The following NXN variants were observed in gnomAD, a reference collection of about 807,000 sequenced individuals.
NXN encodes nucleoredoxin 1.
A neutral mutation model predicts 48.6 loss-of-function variants in NXN; 16 were observed. The observed-to-expected ratio is 0.33, with a 90% CI of 0.22 to 0.50. The LOEUF is 0.50. Among genes scored for constraint, NXN ranks in the 20% least tolerant of loss-of-function variants. NXN has a pLI of 0.98. For missense variants in NXN, 492 were observed against 605.5 expected (o/e 0.81, Z 1.97); for synonymous variants, 281 against 269.6 (o/e 1.04, Z -0.41).
chr17:882,535 G>A (rs185783466), intron 1 of NXN, among the ~76,000 whole-genome samples: 50 of 152,078 alleles, frequency 3.3e-4, no homozygotes, highest in African/African-American at 1.1e-3. Context: ...GCGCAATCTC[G>A]GCTCACTGCA....
chr17:935,628 A>C (rs1477281932), intron 1 of NXN, among the ~76,000 whole-genome samples: 1 of 152,188 alleles, frequency 6.6e-6, no homozygotes. Flanking sequence ...ACTGTGTCTA[A>C]GACCCTGAGC....
At chr17:859,360 C>T (rs774194366) in intron 1 of NXN, among the ~76,000 whole-genome samples, 6 of 152,098 alleles carry the variant, frequency 3.9e-5, no homozygotes, top group Admixed American at 6.6e-5. Flanking sequence ...ACTGAGGTCA[C>T]GGGGAGTTTA....
intron 1 of NXN, among the ~76,000 whole-genome samples, chr17:928,729 G>C (rs921567261): frequency 2.6e-5 from 4 of 152,086 alleles, no homozygotes; most frequent in Non-Finnish European, 5.9e-5. Context: ...CCAGCTACTC[G>C]GGAGGCTGAG....
chr17:888,809 G>C (rs1375891919), intron 1 of NXN, among the ~76,000 whole-genome samples: 1 of 151,848 alleles, frequency 6.6e-6, no homozygotes, highest in African/African-American at 2.4e-5. Context: ...ACAAAAATTA[G>C]CTGGACATGG....
intron 1 of NXN, among the ~76,000 whole-genome samples, chr17:931,526 CA>C (rs1467484044): frequency 6.6e-6 from 1 of 151,762 alleles, no homozygotes; most frequent in Non-Finnish European, 1.5e-5. Context: ...TCGCCATAAG[CA>C]CATGTTATTT....
chr17:803,871 C>T (rs941938277), intron 6 of NXN, 65 bp from the exon 7 acceptor site: 10 of 1,587,578 alleles, frequency 6.3e-6, no homozygotes, highest in Middle Eastern at 4.3e-4. Context: ...AACAGAGCGG[C>T]ACCCGCCGAG....
At chr17:902,926 C>CTGA (rs1177128697) in intron 1 of NXN, among the ~76,000 whole-genome samples, 1 of 151,682 alleles carries the variant, frequency 6.6e-6, no homozygotes, top group African/African-American at 2.4e-5. Flanking sequence ...TGCACCATCA[C>CTGA]GTCTGGCTAA....
At chr17:953,411 T>C (rs1366571713) in intron 1 of NXN, among the ~76,000 whole-genome samples, 1 of 151,784 alleles carries the variant, frequency 6.6e-6, no homozygotes, top group East Asian at 2.0e-4. Flanking sequence ...CGAGACTCCG[T>C]CTCAAAAAAA....
intron 1 of NXN, among the ~76,000 whole-genome samples, chr17:970,914 C>T (rs1327899172): frequency 6.6e-6 from 1 of 150,400 alleles, no homozygotes; most frequent in Admixed American, 6.6e-5. Flanking sequence ...AATATTAAAG[C>T]ATGGCATGAC....
chr17:949,931 C>T (rs1393391743), intron 1 of NXN, among the ~76,000 whole-genome samples: 1 of 151,972 alleles, frequency 6.6e-6, no homozygotes. Context: ...AGCAGCTTCT[C>T]GGGGGCTAAC....
At chr17:810,876 G>A (rs1239000725) in intron 5 of NXN, among the ~76,000 whole-genome samples, 3 of 151,870 alleles carry the variant, frequency 2.0e-5, no homozygotes, top group African/African-American at 7.3e-5. Flanking sequence ...GCGACAGAGC[G>A]AGACTCTGCC....
intron 1 of NXN, among the ~76,000 whole-genome samples, chr17:936,491 T>C (rs1386611809): frequency 1.3e-5 from 2 of 151,618 alleles, no homozygotes; most frequent in African/African-American, 4.8e-5. Flanking sequence ...CCCAGCTCGA[T>C]GATTCTCTCC....
rs1276618012 is a variant in NXN at position 825,098 on chromosome 17, G to C, written c.478+863C>G. Among the ~76,000 whole-genome samples, 4 of 152,126 alleles carry C rather than the reference G, an allele frequency of 2.6e-5. No individual in the cohort carries two copies. Among genetic ancestry groups the C allele is most frequent in the African/African-American group, 9.7e-5 (4 of 41,440 alleles). ...AATAAAAAATTAGCTGGGTGTGGCGGTGCACGCCAGTAGTCCCAGCTACAC... is the reference window on the plus strand; with the variant it reads ...AATAAAAAATTAGCTGGGTGTGGCGCTGCACGCCAGTAGTCCCAGCTACAC... On this transcript the variant is annotated intron_variant, in intron 2 of 7. Transcript: ENST00000336868. This position sits in a 1 kb window ranked among gnomAD's most constrained non-coding sequence, Gnocchi z 4.1.
chr17:890,610 T>A (rs526835), intron 1 of NXN, among the ~76,000 whole-genome samples: 21 of 151,802 alleles, frequency 1.4e-4, no homozygotes, highest in Middle Eastern at 3.4e-3. Flanking sequence ...CTCGATCTCC[T>A]GACCTCGTGA....
intron 1 of NXN, among the ~76,000 whole-genome samples, chr17:901,181 A>G (rs1383181190): frequency 6.6e-6 from 1 of 152,086 alleles, no homozygotes; most frequent in African/African-American, 2.4e-5. Flanking sequence ...TCGGCCTCCC[A>G]AAGTGATGGG....
At chr17:864,029 G>A (rs761174672) in intron 1 of NXN, 431 of 1,528,742 alleles carry the variant, frequency 2.8e-4, no homozygotes, top group Non-Finnish European at 3.6e-4. Context: ...GCTGGGTTCC[G>A]GTGAAGGGAC....
chr17:933,876 G>C (rs2068878800), intron 1 of NXN, among the ~76,000 whole-genome samples: 1 of 152,084 alleles, frequency 6.6e-6, no homozygotes, highest in African/African-American at 2.4e-5. Flanking sequence ...TTGGACTAAA[G>C]TCGTGGATTC....
intron 1 of NXN, among the ~76,000 whole-genome samples, chr17:913,521 G>A (rs1449354806): frequency 1.3e-5 from 2 of 152,222 alleles, no homozygotes; most frequent in African/African-American, 4.8e-5. Flanking sequence ...TGAGAAAGGA[G>A]AGTCGGTCAG....
At chr17:851,857 G>A (rs56803883) in intron 1 of NXN, among the ~76,000 whole-genome samples, 25,004 of 152,272 alleles carry the variant, frequency 0.16, 2,203 homozygotes, top group Middle Eastern at 0.3. Flanking sequence ...TCTGTCTCGC[G>A]TTGCCTGCGG....
Sources: gnomAD v4.1 joint callset for allele counts (sites outside exome capture counted in the v4.1 genomes callset) on GRCh38, gnomAD v4.1.1 for gene constraint, Gnocchi (gnomAD v3.1) non-coding constraint, MANE v1.5 for transcripts, NCBI Gene and HGNC (gene_info 2026-07-23, HGNC 2026-07-21) for gene names.